NREP: variants seen among roughly 807,000 people sequenced by gnomAD.
NREP encodes neuronal regeneration-related protein.
Under a neutral mutation model 8.6 loss-of-function variants are expected in NREP, and 5 were observed. The observed-to-expected ratio is 0.58, with a 90% CI of 0.30 to 1.22. The LOEUF (loss-of-function observed/expected upper bound fraction) is 1.22, where lower values mean the gene tolerates loss of function less well. NREP is among the 50% of genes most tolerant of loss of function. NREP has a pLI of 0.07. For synonymous variants in NREP, 27 were observed against 28.0 expected (o/e 0.96, Z 0.11); for missense variants, 86 against 82.5 (o/e 1.04, Z -0.17).
At chr5:111,972,805 G>C (rs1439203049) in intron 2 of NREP, among the ~76,000 whole-genome samples, 1 of 152,212 alleles carries the variant, frequency 6.6e-6, no homozygotes, top group Non-Finnish European at 1.5e-5. Context: ...TGCTTGCCAG[G>C]TCAGATGCTC....
rs146559268 is a variant in NREP, at chr5:111,821,930, A to T, written c.136-86423T>A. On this transcript the variant is annotated intron_variant, in intron 2 of 3. Transcript: ENST00000395634. Reference sequence around the variant, plus strand: ...GTGTTGCAGTAATATTACGTAGAATATGCTGCTTTGTAAACAGTACCAACA... The same window carrying T: ...GTGTTGCAGTAATATTACGTAGAATTTGCTGCTTTGTAAACAGTACCAACA... Among the ~76,000 whole-genome samples, 25 of 152,296 alleles carry T rather than the reference A, an allele frequency of 1.6e-4. No individual in the cohort carries two copies. The East Asian group carries it at 2.7e-3, about 16-fold the overall frequency.
At position 111,947,371 on chromosome 5, in the gene NREP, T is replaced by C. The variant is rs1271942576; in HGVS notation, c.135+27903A>G. ...ATCTTAGTACTATTAATAAGAAATA[T>C]GACATAATAAATAATGGGTAATATT... On this transcript the variant is annotated intron_variant, in intron 2 of 3. Coordinates refer to the NREP transcript ENST00000395634. 3.3e-5 allele frequency among the ~76,000 whole-genome samples: 5 copies of C among 152,006 alleles called. No homozygotes were observed. In the East Asian group the frequency reaches 7.7e-4, roughly 23 times the overall value.
chr5:111,777,981 T>C (rs915231646), intron 2 of NREP, among the ~76,000 whole-genome samples: 2 of 152,124 alleles, frequency 1.3e-5, no homozygotes, highest in Non-Finnish European at 2.9e-5. Flanking sequence ...TAATTTGAAA[T>C]GTTAAACAGC....
chr5:111,924,990 C>T (rs1459069435), intron 2 of NREP, among the ~76,000 whole-genome samples: 1 of 152,056 alleles, frequency 6.6e-6, no homozygotes, highest in African/African-American at 2.4e-5. Context: ...GTAGGTCCCC[C>T]CAGCTACAAC....
intron 2 of NREP, among the ~76,000 whole-genome samples, chr5:111,855,639 T>C (rs145786973): frequency 6.6e-6 from 1 of 152,310 alleles, no homozygotes; most frequent in Admixed American, 6.5e-5. Flanking sequence ...AATAGCTAAA[T>C]GCAAACTGCA....
intron 2 of NREP, among the ~76,000 whole-genome samples, chr5:111,959,804 T>G (rs1449587828): frequency 6.6e-6 from 1 of 152,074 alleles, no homozygotes; most frequent in Non-Finnish European, 1.5e-5. Context: ...ATTCCACTGA[T>G]GTATATACAC....
intron 2 of NREP, among the ~76,000 whole-genome samples, chr5:111,902,160 T>G (rs1450269342): frequency 6.6e-6 from 1 of 152,110 alleles, no homozygotes. Context: ...TTCAGCCAAC[T>G]GATTTTTCAA....
intron 2 of NREP, among the ~76,000 whole-genome samples, chr5:111,874,037 C>T (rs547795665): frequency 2.6e-5 from 4 of 151,806 alleles, no homozygotes; most frequent in Admixed American, 2.6e-4. Context: ...TGAATGTTCC[C>T]AGGGACGGGA....
chr5:111,802,723 C>A (rs1326735022), intron 2 of NREP, among the ~76,000 whole-genome samples: 1 of 152,266 alleles, frequency 6.6e-6, no homozygotes, highest in South Asian at 2.1e-4. Context: ...ATAATGTATT[C>A]TTTTGAAAAT....
intron 2 of NREP, among the ~76,000 whole-genome samples, chr5:111,871,053 C>CGTGTGTGTGTGTGTGTGTGTGTGTGT (rs34667486): frequency 7.0e-6 from 1 of 142,610 alleles, no homozygotes; most frequent in Non-Finnish European, 1.5e-5. Flanking sequence ...GAACCAATGG[C>CGTGTGTGTGTGTGTGTGTGTGTGTGT]GTGTGTGTGT....
rs1329301878 is a variant in NREP at position 111,770,655 on chromosome 5, C to T, written c.136-35148G>A. The stretch of plus-strand genomic sequence containing the variant: ...AAACAATCACGGCTCACTACAGCCT[C>T]CCCCTCCCAGGCTGAAGCCATTCTT... On this transcript the variant is annotated intron_variant, in intron 2 of 3. Transcript: ENST00000395634. Among the ~76,000 whole-genome samples, 7 of 149,648 alleles carry T rather than the reference C, an allele frequency of 4.7e-5. No homozygotes were observed. The East Asian group carries it at 1.4e-3, about 29-fold the overall frequency.
intron 2 of NREP, among the ~76,000 whole-genome samples, chr5:111,878,732 C>T (rs1753972764): frequency 6.6e-6 from 1 of 152,164 alleles, no homozygotes; most frequent in African/African-American, 2.4e-5. Flanking sequence ...GTCAGATAGG[C>T]CTGTCCCCCA....
At chr5:111,800,672 T>G (rs1300011003) in intron 2 of NREP, among the ~76,000 whole-genome samples, 1 of 152,196 alleles carries the variant, frequency 6.6e-6, no homozygotes, top group Non-Finnish European at 1.5e-5. Context: ...GATTTAAAAA[T>G]GAAATTTTCT....
chr5:111,951,785 A>C (rs539502873), intron 2 of NREP, among the ~76,000 whole-genome samples: 1 of 152,120 alleles, frequency 6.6e-6, no homozygotes, highest in Admixed American at 6.6e-5. Flanking sequence ...AATCGTGTCC[A>C]TTTATTTGTG....
intron 2 of NREP, among the ~76,000 whole-genome samples, chr5:111,769,027 GT>G (rs960178700): frequency 6.6e-6 from 1 of 151,774 alleles, no homozygotes; most frequent in Non-Finnish European, 1.5e-5. Context: ...AGCATCTGTT[GT>G]TTTTTTTGAC....
chr5:111,781,216 T>C (rs1341212595), intron 2 of NREP, among the ~76,000 whole-genome samples: 1 of 151,932 alleles, frequency 6.6e-6, no homozygotes, highest in Non-Finnish European at 1.5e-5. Flanking sequence ...CCTTGACCAA[T>C]AGAATGGGGT....
At chr5:111,971,198 A>C (rs1295656135) in intron 2 of NREP, among the ~76,000 whole-genome samples, 1 of 152,236 alleles carries the variant, frequency 6.6e-6, no homozygotes, top group Admixed American at 6.5e-5. Flanking sequence ...AGACCTAATA[A>C]AATTTGTTGA....
intron 2 of NREP, among the ~76,000 whole-genome samples, chr5:111,911,204 C>A (rs1293763996): frequency 6.6e-6 from 1 of 152,040 alleles, no homozygotes; most frequent in African/African-American, 2.4e-5. Context: ...GGATATCACC[C>A]CTGTACCCAA....
exon 1 of NREP, chr5:111,976,909 T>C: frequency 1.8e-6 from 1 of 568,006 alleles, no homozygotes; most frequent in Non-Finnish European, 3.2e-6. Context: ...TAATTCCTTC[T>C]AGATGCTGGC....
Sources: allele counts gnomAD v4.1 joint callset (sites outside exome capture counted in the v4.1 genomes callset), GRCh38; gene constraint gnomAD v4.1.1; transcripts MANE v1.5; gene names NCBI Gene and HGNC (gene_info 2026-07-23, HGNC 2026-07-21).